EYA1: variants seen among roughly 807,000 people sequenced by gnomAD.
EYA1 encodes EYA transcriptional coactivator and phosphatase 1.
EYA1 carries 16 observed loss-of-function variants against 82.0 expected under a neutral mutation model. The observed-to-expected ratio is 0.20, with a 90% CI of 0.13 to 0.30. The LOEUF is 0.30. Ranked by LOEUF, EYA1 falls within the 10% of genes least tolerant of loss-of-function variation. The pLI is 1.00. For missense variants in EYA1, 633 were observed against 730.7 expected, an observed-to-expected ratio of 0.87 and a Z score of 1.54; for synonymous variants, 261 against 264.4, an observed-to-expected ratio of 0.99 and a Z score of 0.12.
Position 71,305,041 on chromosome 8 carries a change from T to C in EYA1, c.557-5321A>G, listed in dbSNP as rs914121808. ...TGCTAGAGAGAGACAGGATAAGACA[T>C]GACCAGGATAAAACAGACCTCCTTC... On this transcript the variant is annotated intron_variant, in intron 7 of 17. Transcript: ENST00000340726. 1.6e-4 allele frequency among the ~76,000 whole-genome samples: 23 copies of C among 143,090 alleles called. 1 individual carries two copies. Among genetic ancestry groups the C allele is most frequent in the African/African-American group, 5.4e-4 (22 of 40,478 alleles). 93.9% of individuals were successfully genotyped at this position (143,090 alleles called of 152,430 possible).
At chr8:71,332,097 C>T (rs1823945521) in intron 4 of EYA1, among the ~76,000 whole-genome samples, 1 of 152,150 alleles carries the variant, frequency 6.6e-6, no homozygotes, top group African/African-American at 2.4e-5. Context: ...AAATGATTCT[C>T]CTGCCTCTGC....
At chr8:71,321,990 A>C in intron 5 of EYA1, 111 bp from the exon 6 acceptor site, 2 of 1,435,760 alleles carry the variant, frequency 1.4e-6, no homozygotes, top group South Asian at 1.2e-5. Context: ...CTTAAAGTAA[A>C]ACTTTCACAC....
intron 2 of EYA1, among the ~76,000 whole-genome samples, chr8:71,502,994 C>T (rs1811925473): frequency 1.3e-5 from 2 of 152,100 alleles, no homozygotes; most frequent in Non-Finnish European, 2.9e-5. Flanking sequence ...ATTTGGTAAT[C>T]AGTTTACTAT....
At chr8:71,377,921 C>T (rs569692132) in intron 2 of EYA1, among the ~76,000 whole-genome samples, 8 of 152,216 alleles carry the variant, frequency 5.3e-5, no homozygotes, top group African/African-American at 1.7e-4. Context: ...CCTGTAAGGT[C>T]TTGTCACAAA....
intron 1 of EYA1, among the ~76,000 whole-genome samples, chr8:71,540,051 C>A (rs1444464294): frequency 1.3e-5 from 2 of 152,030 alleles, no homozygotes; most frequent in African/African-American, 4.8e-5. Context: ...ATATTTTATG[C>A]CCTATTGCAA....
chr8:71,378,146 C>G (rs762810899), intron 2 of EYA1, among the ~76,000 whole-genome samples: 3 of 152,116 alleles, frequency 2.0e-5, no homozygotes, highest in Non-Finnish European at 4.4e-5. Flanking sequence ...AAAATTTGAA[C>G]TATACCCTGA....
At chr8:71,453,879 CA>C (rs1197073949) in intron 2 of EYA1, among the ~76,000 whole-genome samples, 3 of 152,128 alleles carry the variant, frequency 2.0e-5, no homozygotes, top group Non-Finnish European at 2.9e-5. Context: ...GCAAAATAAC[CA>C]GCTAACATCA....
At chr8:71,540,210 C>A (rs1469704435) in intron 1 of EYA1, among the ~76,000 whole-genome samples, 2 of 152,122 alleles carry the variant, frequency 1.3e-5, no homozygotes, top group Non-Finnish European at 2.9e-5. Flanking sequence ...ATTCTACAAA[C>A]AACCCCTACT....
At chr8:71,382,434 G>A (rs1206751372) in intron 2 of EYA1, among the ~76,000 whole-genome samples, 1 of 151,820 alleles carries the variant, frequency 6.6e-6, no homozygotes, top group Non-Finnish European at 1.5e-5. Context: ...AATGTCTAAA[G>A]GAATACAAAA....
intron 2 of EYA1, among the ~76,000 whole-genome samples, chr8:71,526,066 G>A (rs955652667): frequency 1.3e-5 from 2 of 152,082 alleles, no homozygotes; most frequent in African/African-American, 2.4e-5. Context: ...ATGCTAATTA[G>A]CAGTTCAAAG....
intron 2 of EYA1, among the ~76,000 whole-genome samples, chr8:71,517,017 C>G (rs574545264): frequency 2.0e-4 from 31 of 152,198 alleles, no homozygotes; most frequent in Middle Eastern, 6.8e-3. Context: ...TTGTCCTGTT[C>G]CCTCTGGTTC....
intron 9 of EYA1, among the ~76,000 whole-genome samples, chr8:71,272,844 T>C (rs1337467097): frequency 3.9e-5 from 6 of 152,212 alleles, no homozygotes; most frequent in Admixed American, 6.5e-5. Flanking sequence ...AGATTTAGTT[T>C]GGAATCTCTC....
intron 2 of EYA1, among the ~76,000 whole-genome samples, chr8:71,455,245 T>G (rs1001578250): frequency 7.9e-5 from 12 of 151,994 alleles, no homozygotes; most frequent in African/African-American, 2.9e-4. Flanking sequence ...AAGAGGTTCT[T>G]AAATTGAGGC....
chr8:71,255,228 T>C (rs74535779), intron 11 of EYA1, among the ~76,000 whole-genome samples: 14,622 of 152,218 alleles, frequency 0.096, 1,000 homozygotes, highest in African/African-American at 0.19. Context: ...TAGTATTTTT[T>C]TGCAGAAACA....
At chr8:71,252,629 C>T (rs1813885620) in intron 11 of EYA1, among the ~76,000 whole-genome samples, 1 of 152,084 alleles carries the variant, frequency 6.6e-6, no homozygotes, top group African/African-American at 2.4e-5. Flanking sequence ...AAGATGTCAA[C>T]CAAGCTTTTA....
chr8:71,405,344 CT>C (rs1408884436), intron 2 of EYA1, among the ~76,000 whole-genome samples: 1 of 152,138 alleles, frequency 6.6e-6, no homozygotes, highest in Non-Finnish European at 1.5e-5. Context: ...CCTGTCCAAC[CT>C]TTTTTCGGGA....
At chr8:71,435,156 G>T (rs745842188) in intron 2 of EYA1, among the ~76,000 whole-genome samples, 21 of 152,076 alleles carry the variant, frequency 1.4e-4, no homozygotes, top group Non-Finnish European at 2.8e-4. Context: ...GATTTCTCCA[G>T]CTCACAGTGG....
In EYA1 at chr8:71,211,194, T is replaced by A. The variant is rs1422893057; in HGVS notation, c.1660A>T (p.Ile554Leu). Residue 554 changes from isoleucine (I) to leucine (L), a missense_variant, in exon 17 of 18, where the codon ATA becomes TTA. Ile to Leu is a conservative substitution (Grantham distance 5). Transcript: ENST00000340726. ...RFGRKVVYVV[I>L]GDGVEEEQGA... ...TGTTCTTCTTCTACACCATCTCCTA[T>A]AACAACATACACCACTTTTCTTCCA... The A allele has an allele frequency of 6.2e-7, 1 of 1,613,622 alleles. No homozygotes were observed. The highest frequency in any genetic ancestry group is 1.3e-5 in the African/African-American group (1 of 75,056).
intron 2 of EYA1, among the ~76,000 whole-genome samples, chr8:71,460,087 G>A (rs145999029): frequency 5.3e-5 from 8 of 152,070 alleles, no homozygotes; most frequent in East Asian, 1.9e-4. Flanking sequence ...CATTTTTTGC[G>A]CCCCCAGCAT....
Sources: allele counts gnomAD v4.1 joint callset (sites outside exome capture counted in the v4.1 genomes callset), GRCh38; gene constraint gnomAD v4.1.1; transcripts MANE v1.5; gene names NCBI Gene and HGNC (gene_info 2026-07-23, HGNC 2026-07-21).